Variants in FARS2 observed in about 807,000 individuals in gnomAD.
The protein encoded by FARS2 is phenylalanine--tRNA ligase, mitochondrial.
A neutral mutation model predicts 46.4 loss-of-function variants in FARS2; 40 were observed. The observed-to-expected ratio is 0.86, with a 90% confidence interval of 0.67 to 1.12. The LOEUF (loss-of-function observed/expected upper bound fraction) is 1.12, where lower values mean the gene tolerates loss of function less well. Among genes scored for constraint, FARS2 ranks in the 50% most tolerant of loss-of-function variants. The pLI, the probability that FARS2 is intolerant of heterozygous loss-of-function variation, is 0.00. For missense variants in FARS2, 513 were observed against 567.9 expected, an observed-to-expected ratio of 0.90 and a Z score of 0.98; for synonymous variants, 234 against 214.9, an observed-to-expected ratio of 1.09 and a Z score of -0.78.
chr6:5,650,127 A>G (rs1341926428), intron 6 of FARS2, among the ~76,000 whole-genome samples: 1 of 152,130 alleles, frequency 6.6e-6, no homozygotes, highest in African/African-American at 2.4e-5. Flanking sequence ...TTCACGGAGC[A>G]AAAGTGCAGG....
chr6:5,675,874 T>G (rs74379753), intron 6 of FARS2, among the ~76,000 whole-genome samples: 3,531 of 152,300 alleles, frequency 0.023, 147 homozygotes, highest in African/African-American at 0.081. Context: ...GCACAGAATT[T>G]GTTTTCCTAA....
Position 5,437,850 on chromosome 6 carries a change from G to A in FARS2, c.904+6678G>A, listed in dbSNP as rs56705148. Among the ~76,000 whole-genome samples, 1,133 of 152,126 alleles carry A rather than the reference G, an allele frequency of 7.4e-3. 15 individuals are homozygous for A. Among genetic ancestry groups the A allele is most frequent in the African/African-American group, 0.025 (1,038 of 41,530 alleles). ...TTAGCTGTTTCCCATTTCTCTTGCTGTTCCTTTATTCCTGAAAATACATGT... is the reference window on the plus strand; with the variant it reads ...TTAGCTGTTTCCCATTTCTCTTGCTATTCCTTTATTCCTGAAAATACATGT... On this transcript the variant is annotated intron_variant, in intron 4 of 6. Transcript: ENST00000274680.
At chr6:5,712,104 G>C (rs376102883) in intron 6 of FARS2, among the ~76,000 whole-genome samples, 2 of 152,056 alleles carry the variant, frequency 1.3e-5, no homozygotes, top group Admixed American at 6.5e-5. Context: ...CACTTTACCA[G>C]ATTATTTTAA....
intron 6 of FARS2, among the ~76,000 whole-genome samples, chr6:5,646,572 C>T (rs1322914355): frequency 2.0e-5 from 3 of 152,154 alleles, no homozygotes; most frequent in Non-Finnish European, 2.9e-5. Flanking sequence ...TTCGCTATAA[C>T]TACAGTTGGA....
At chr6:5,253,545 G>C in the FARS2 span, among the ~76,000 whole-genome samples, 1 of 152,082 alleles carries the variant, frequency 6.6e-6, no homozygotes, top group African/African-American at 2.4e-5. Context: ...TCAAAAAGCT[G>C]CAGCGACAAC....
chr6:5,392,925 C>CATATGTGTGTGTATATATTAT (rs1554175098), intron 2 of FARS2, among the ~76,000 whole-genome samples: 21,864 of 90,864 alleles, frequency 0.24, 2,408 homozygotes, highest in Middle Eastern at 0.4. Context: ...TGTATATATA[C>CATATGTGTGTGTATATATTAT]ATATATGTGT....
chr6:5,517,948 G>A (rs1448431236), intron 4 of FARS2, among the ~76,000 whole-genome samples: 1 of 152,314 alleles, frequency 6.6e-6, no homozygotes, highest in South Asian at 2.1e-4. Flanking sequence ...AGGAAGATGT[G>A]GTAGGAGTTG....
intron 1 of FARS2, among the ~76,000 whole-genome samples, chr6:5,347,361 A>AT (rs941781011): frequency 4.6e-5 from 7 of 151,874 alleles, no homozygotes; most frequent in Admixed American, 1.3e-4. Context: ...TATTGTTCTG[A>AT]TTTTTTTCCA....
At chr6:5,514,954 T>TG (rs1041070300) in intron 4 of FARS2, among the ~76,000 whole-genome samples, 8 of 151,426 alleles carry the variant, frequency 5.3e-5, no homozygotes, top group East Asian at 3.9e-4. Context: ...TTTTGTTTTT[T>TG]TTTTCAAGAG....
intron 5 of FARS2, among the ~76,000 whole-genome samples, chr6:5,605,727 T>C (rs961225976): frequency 6.6e-6 from 1 of 151,002 alleles, no homozygotes; most frequent in Non-Finnish European, 1.5e-5. Context: ...GAGACTAAAG[T>C]AAAATAAAAA....
Position 5,404,587 on chromosome 6 carries a change from C to T in FARS2, c.658C>T (p.Gln220Ter). 6.2e-7 allele frequency: 1 copy of T among 1,609,420 alleles called. No homozygotes were observed. Among genetic ancestry groups the T allele is most frequent in the Non-Finnish European group, 8.5e-7 (1 of 1,177,430 alleles). The change falls in exon 3 of 7, where the codon CAA (glutamine) becomes TAA (stop). Residue 220 changes from glutamine to a stop codon, truncating the protein, a stop_gained. Coordinates refer to ENST00000274680, the MANE Select transcript of FARS2 (RefSeq NM_006567.5). LOFTEE classifies it high-confidence loss of function. ...KDGESLQLFEQSSRSAHKQET... is the reference protein window; with the variant it reads ...KDGESLQLFE ...TGGAGAAAGCCTGCAGCTCTTTGAA[C>T]AAAGTTCTCGCTCTGCGCATAAACA...
At chr6:5,554,618 C>G (rs1473743096) in intron 5 of FARS2, among the ~76,000 whole-genome samples, 3 of 152,208 alleles carry the variant, frequency 2.0e-5, no homozygotes, top group African/African-American at 7.2e-5. Flanking sequence ...CCTTATAATA[C>G]TTGGCATTTG....
chr6:5,405,231 G>A (rs913427982), intron 3 of FARS2, among the ~76,000 whole-genome samples: 11 of 152,064 alleles, frequency 7.2e-5, no homozygotes, highest in African/African-American at 1.2e-4. Context: ...AAATAATTTC[G>A]TGCGTGAAAC....
chr6:5,437,800 GAAAGTAGTTTT>G (rs1455000461), intron 4 of FARS2, among the ~76,000 whole-genome samples: 3 of 152,030 alleles, frequency 2.0e-5, no homozygotes, highest in Admixed American at 2.0e-4. Context: ...AAATTAAGAG[GAAAGTAGTTTT>G]CTTTTATATT....
intron 2 of FARS2, among the ~76,000 whole-genome samples, chr6:5,369,862 G>A (rs1013364622): frequency 6.7e-6 from 1 of 149,462 alleles, no homozygotes; most frequent in Non-Finnish European, 1.5e-5. Context: ...CTAATACGTT[G>A]TGTGCATCTT....
chr6:5,432,528 T>TA (rs59122142), intron 4 of FARS2, among the ~76,000 whole-genome samples: 85,521 of 121,552 alleles, frequency 0.7, 29,463 homozygotes, highest in East Asian at 0.93. Flanking sequence ...TATATATATA[T>TA]TTTTTTTTTT....
intron 3 of FARS2, among the ~76,000 whole-genome samples, chr6:5,405,212 T>G (rs62385371): frequency 6.6e-5 from 10 of 152,126 alleles, no homozygotes; most frequent in Admixed American, 2.0e-4. Context: ...TAATTTGATA[T>G]AATATTTTAA....
In FARS2 at chr6:5,517,206, A is replaced by G. The variant is rs144246392; in HGVS notation, c.905-27974A>G. 5.8e-3 allele frequency among the ~76,000 whole-genome samples: 885 copies of G among 152,360 alleles called. 8 individuals are homozygous for G. The highest frequency in any genetic ancestry group is 8.2e-3 in the Non-Finnish European group (560 of 68,040). ...AAAAGCACAGTCTATGAGGAAGAAC[A>G]TCAAGCATTTTATTAGTGCTAGAGC... On this transcript the variant is annotated intron_variant, in intron 4 of 6. Coordinates refer to ENST00000274680, the MANE Select transcript of FARS2 (RefSeq NM_006567.5).
rs142601659 is a variant in FARS2 at position 5,477,184 on chromosome 6, C to T, written c.904+46012C>T. On this transcript the variant is annotated intron_variant, in intron 4 of 6. Coordinates refer to ENST00000274680, the MANE Select transcript of FARS2 (RefSeq NM_006567.5). ...TTTGTGTATAATTCCTTTATTAGAA[C>T]AAAACCAAAACCAAGTAAAGACCTT... Among the ~76,000 whole-genome samples the T allele has an allele frequency of 1.3e-3, 200 of 152,186 alleles. 2 individuals are homozygous for T. Among genetic ancestry groups the T allele is most frequent in the Middle Eastern group, 0.01 (3 of 294 alleles).
Sources: gnomAD v4.1 joint callset for allele counts (sites outside exome capture counted in the v4.1 genomes callset) on GRCh38, gnomAD v4.1.1 for gene constraint, MANE v1.5 for transcripts, NCBI Gene and HGNC (gene_info 2026-07-23, HGNC 2026-07-21) for gene names.